The following MEFV variants were observed in gnomAD, a reference collection of about 807,000 sequenced individuals.
MEFV encodes MEFV innate immunity regulator, pyrin, also known as pyrin.
In MEFV, 60 loss-of-function variants were observed where a neutral mutation model predicts 62.5. The ratio of observed to expected loss-of-function variants is 0.96; its 90% CI spans 0.78 to 1.19. The LOEUF (loss-of-function observed/expected upper bound fraction) is 1.19, where lower values mean the gene tolerates loss of function less well. Ranked by LOEUF, MEFV falls within the 50% of genes most tolerant of loss-of-function variation. The pLI is 0.00. For synonymous variants in MEFV, 500 were observed against 415.2 expected, an observed-to-expected ratio of 1.20 and a Z score of -2.48; for missense variants, 1,169 against 1,004.5, an observed-to-expected ratio of 1.16 and a Z score of -2.21.
intron 6 of MEFV, among the ~76,000 whole-genome samples, chr16:3,245,468 C>T (rs942534072): frequency 4.8e-4 from 73 of 151,942 alleles, no homozygotes; most frequent in African/African-American, 1.7e-3. Flanking sequence ...ATGGTGAAAC[C>T]CTGTCTACCA....
Position 3,254,674 on chromosome 16 carries a change from G to C in MEFV, c.394C>G (p.Pro132Ala). Residue 132 changes from proline (P) to alanine (A), a missense_variant, in exon 2 of 10, where the codon CCT becomes GCT. Physicochemically the swap from Pro to Ala is conservative, Grantham distance 27 (BLOSUM62 -1). Coordinates refer to ENST00000219596, the MANE Select transcript of MEFV (RefSeq NM_000243.3). ...DHPEGNEGNG[P>A]RPYGGGAASL... ...GCAGCTCCGCCCCCGTACGGCCGAG[G>C]GCCGTTCCCCTCGTTCCCCTCGGGG... 6.2e-7 allele frequency: 1 copy of C among 1,612,132 alleles called. No homozygotes were observed. The highest frequency in any genetic ancestry group is 8.5e-7 in the Non-Finnish European group (1 of 1,179,852).
intron 2 of MEFV, among the ~76,000 whole-genome samples, chr16:3,252,927 G>C (rs558138124): frequency 7.1e-6 from 1 of 141,070 alleles, no homozygotes; most frequent in East Asian, 2.1e-4. Flanking sequence ...TCCAGCATGG[G>C]AGACAGACTG....
At position 3,243,348 on chromosome 16, in the gene MEFV, C is replaced by T; in HGVS notation, c.2139G>A (p.Glu713=). The change falls in exon 10 of 10, where the codon GAG becomes GAA. Residue 713 remains glutamate, a synonymous_variant. Transcript: ENST00000219596. The part of the protein sequence containing the change: ...SVPPTRLLIK[E]PPKRVGIFVD... ...CGAAGATGCCCACACGCTTGGGAGG[C>T]TCCTTTATTAGCAGGCGGGTCGGGG... 1 of 1,614,214 alleles carries T rather than the reference C, an allele frequency of 6.2e-7. No individual in the cohort carries two copies. Among genetic ancestry groups the T allele is most frequent in the Non-Finnish European group, 8.5e-7 (1 of 1,180,046 alleles).
In MEFV at chr16:3,249,527, C is replaced by T. The variant is rs1958999227; in HGVS notation, c.1164G>A (p.Glu388=). ...HLKQVQLLFC[E]DHDEPICLIC... is the part of the protein sequence containing the mutation. ...TGAGGCAGATGGGCTCATCGTGATC[C>T]TCACAGAAGAGCAGCTGGACCTGCT... The change falls in exon 3 of 10, where the codon GAG becomes GAA. Residue 388 remains glutamate (E), a synonymous_variant. Transcript: ENST00000219596. 2 of 1,614,220 alleles carry T rather than the reference C, an allele frequency of 1.2e-6. No individual in the cohort carries two copies. The highest frequency in any genetic ancestry group is 2.2e-5 in the East Asian group (1 of 44,882).
chr16:3,255,824 G>A lies in MEFV; in HGVS notation c.277+487C>T, dbSNP rs1415127895. Among the ~76,000 whole-genome samples, 7 of 152,106 alleles carry A rather than the reference G, an allele frequency of 4.6e-5. No individual in the cohort carries two copies. The East Asian group carries it at 5.8e-4, about 13-fold the overall frequency. On this transcript the variant is annotated intron_variant, in intron 1 of 9. Transcript: ENST00000219596. ...TACGCTTTAAAAATAAAAATAAGCCGGGCACGGTGGCCTATGTCTGAAATC... is the reference window on the plus strand; with the variant it reads ...TACGCTTTAAAAATAAAAATAAGCCAGGCACGGTGGCCTATGTCTGAAATC...
chr16:3,250,337 G>C (rs1959013509), intron 2 of MEFV, among the ~76,000 whole-genome samples: 1 of 152,182 alleles, frequency 6.6e-6, no homozygotes, highest in South Asian at 2.1e-4. Context: ...GGGGCTGGGT[G>C]GTGGCTCATG....
At chr16:3,246,783 C>A (rs780653708) in intron 5 of MEFV, among the ~76,000 whole-genome samples, 10 of 152,310 alleles carry the variant, frequency 6.6e-5, no homozygotes, top group Non-Finnish European at 1.2e-4. Context: ...CCCTGCTGAT[C>A]CCTTCTGGGA....
Position 3,242,461 on chromosome 16 carries a change from G to C in MEFV, c.*680C>G, listed in dbSNP as rs1399114953. 1 of 158,478 alleles carries C rather than the reference G, an allele frequency of 6.3e-6. No individual in the cohort carries two copies. Among genetic ancestry groups the C allele is most frequent in the East Asian group, 1.9e-4 (1 of 5,268 alleles). The allele number at this position is 158,478 out of a possible 1,614,324, so 9.8% of individuals were successfully genotyped here. On this transcript the variant is annotated 3_prime_UTR_variant, in exon 10 of 10. Coordinates refer to ENST00000219596, the MANE Select transcript of MEFV (RefSeq NM_000243.3). The stretch of plus-strand genomic sequence containing the variant: ...GAGGCGGGTGGATCACCTGAGGTCA[G>C]GAGTTCGAGACCAGCCTGGCTAACA...
At chr16:3,244,231 C>T (rs1217359234) in intron 8 of MEFV, 23 bp downstream of exon 8, 1 of 1,613,874 alleles carries the variant, frequency 6.2e-7, no homozygotes, top group Non-Finnish European at 8.5e-7. Context: ...CAGGCCAGCA[C>T]ACACCATTAC....
At chr16:3,244,734 G>A (rs1414175887) in intron 6 of MEFV, 146 bp from the exon 7 acceptor site, 2 of 719,314 alleles carry the variant, frequency 2.8e-6, no homozygotes, top group East Asian at 2.7e-5. Flanking sequence ...GGATTCAGAG[G>A]TCTAAATGCT....
chr16:3,253,063 C>G (rs970446868), intron 2 of MEFV, among the ~76,000 whole-genome samples: 1 of 149,502 alleles, frequency 6.7e-6, no homozygotes, highest in African/African-American at 2.5e-5. Flanking sequence ...TGGCATTTTT[C>G]TTTTACAGTT....
At chr16:3,251,352 G>C (rs892890606) in intron 2 of MEFV, among the ~76,000 whole-genome samples, 1 of 152,118 alleles carries the variant, frequency 6.6e-6, no homozygotes, top group African/African-American at 2.4e-5. Context: ...GCTTTCCCGA[G>C]GGATACTATT....
intron 8 of MEFV, 129 bp downstream of exon 8, chr16:3,244,125 C>T (rs1344609238): frequency 6.4e-7 from 1 of 1,559,240 alleles, no homozygotes; most frequent in Admixed American, 1.9e-5. Context: ...CTGCCATGAC[C>T]TTTCTCCTAC....
chr16:3,252,565 C>T (rs1409382160), intron 2 of MEFV, among the ~76,000 whole-genome samples: 2 of 151,920 alleles, frequency 1.3e-5, no homozygotes, highest in Non-Finnish European at 2.9e-5. Flanking sequence ...TGAGCCACCG[C>T]ACCCGGCCTG....
intron 7 of MEFV, 74 bp downstream of exon 7, chr16:3,244,399 G>C: frequency 1.9e-6 from 3 of 1,593,422 alleles, no homozygotes; most frequent in Non-Finnish European, 2.6e-6. Context: ...GGAGGGAAGT[G>C]AGGGGCTCTG....
At chr16:3,245,642 A>AAG (rs141386847) in intron 6 of MEFV, among the ~76,000 whole-genome samples, 6 of 151,316 alleles carry the variant, frequency 4.0e-5, no homozygotes, top group Admixed American at 1.3e-4. Flanking sequence ...TTCAAAAAAA[A>AAG]AGAGAGAGAG....
chr16:3,256,340 G>A lies in MEFV; in HGVS notation c.248C>T (p.Ala83Val). The A allele has an allele frequency of 1.2e-6, 2 of 1,613,916 alleles. No homozygotes were observed. Among genetic ancestry groups the A allele is most frequent in the Non-Finnish European group, 8.5e-7 (1 of 1,180,006 alleles). Residue 83 changes from alanine to valine, a missense_variant, in exon 1 of 10, where the codon GCC (alanine) becomes GTC (valine). Transcript: ENST00000219596. ...AATGGCTGCCCTGTGGAGCTCCTCG[G>A]CCAGCAGGCGCTGGTTGATGGCCCG... is the stretch of plus-strand genomic sequence containing the variant. The part of the protein sequence containing the change: ...VLRAINQRLL[A>V]EELHRAAIQE...
rs775879374 is a variant in MEFV at position 3,254,710 on chromosome 16, T to C, written c.358A>G (p.Thr120Ala). The C allele has an allele frequency of 6.2e-7, 1 of 1,612,554 alleles. No homozygotes were observed. The highest frequency in any genetic ancestry group is 1.1e-5 in the South Asian group (1 of 91,076). The part of the protein sequence containing the change: ...LGENKPRSLK[T>A]PDHPEGNEGN... Reference sequence around the variant, plus strand: ...TCGTTCCCCTCGGGGTGGTCTGGAGTCTTCAGGCTCCTGGGCTTGTTCTCC... The same window carrying C: ...TCGTTCCCCTCGGGGTGGTCTGGAGCCTTCAGGCTCCTGGGCTTGTTCTCC... The change falls in exon 2 of 10, where the codon ACT becomes GCT. Residue 120 changes from threonine (T) to alanine (A), a missense_variant. By Grantham distance (58) the Thr-to-Ala change is moderately conservative. Coordinates refer to ENST00000219596, the MANE Select transcript of MEFV (RefSeq NM_000243.3).
intron 4 of MEFV, chr16:3,248,074 C>G (rs224210): frequency 0.46 from 70,029 of 151,200 alleles, 16,341 homozygotes; most frequent in East Asian, 0.58. Context: ...GCCTGGCCAA[C>G]ACGGTGAAAT....
Sources: allele counts gnomAD v4.1 joint callset (sites outside exome capture counted in the v4.1 genomes callset), GRCh38; gene constraint gnomAD v4.1.1; transcripts MANE v1.5; gene names NCBI Gene and HGNC (gene_info 2026-07-23, HGNC 2026-07-21).